MOB3B: variants seen among roughly 807,000 people sequenced by gnomAD.
The protein encoded by MOB3B is MOB kinase activator 3B.
MOB3B carries 7 observed loss-of-function variants against 18.7 expected under a neutral mutation model. That is an observed-to-expected ratio of 0.37 (90% confidence interval 0.21 to 0.70). MOB3B has a LOEUF of 0.70. Ranked by LOEUF, MOB3B falls within the 30% of genes least tolerant of loss-of-function variation. The pLI is 0.52. For missense variants in MOB3B, 253 were observed against 281.3 expected, an observed-to-expected ratio of 0.90 and a Z score of 0.72; for synonymous variants, 111 against 99.9, an observed-to-expected ratio of 1.11 and a Z score of -0.66.
At chr9:27,361,903 GA>G (rs1320430667) in intron 2 of MOB3B, among the ~76,000 whole-genome samples, 3 of 152,318 alleles carry the variant, frequency 2.0e-5, no homozygotes, top group South Asian at 2.1e-4. Context: ...CAGTCTCATG[GA>G]AGCTCACCAG....
At chr9:27,369,101 C>A (rs904421626) in intron 2 of MOB3B, among the ~76,000 whole-genome samples, 2 of 152,192 alleles carry the variant, frequency 1.3e-5, no homozygotes, top group Non-Finnish European at 2.9e-5. Context: ...TGAGCCAGAG[C>A]TGAGAACAGG....
chr9:27,449,634 C>A (rs1429505856), intron 2 of MOB3B, among the ~76,000 whole-genome samples: 1 of 152,082 alleles, frequency 6.6e-6, no homozygotes, highest in East Asian at 1.9e-4. Context: ...GCTAGCGTTA[C>A]AAAGATTTCT....
intron 2 of MOB3B, among the ~76,000 whole-genome samples, chr9:27,380,005 C>T (rs772447083): frequency 2.8e-4 from 43 of 152,114 alleles, no homozygotes; most frequent in Admixed American, 2.6e-3. Flanking sequence ...ATTGACACAA[C>T]GGTTAAAACA....
chr9:27,393,696 C>T (rs768591032), intron 2 of MOB3B, among the ~76,000 whole-genome samples: 1 of 152,082 alleles, frequency 6.6e-6, no homozygotes, highest in Non-Finnish European at 1.5e-5. Context: ...ACAGACTTGG[C>T]CACATTTTAT....
chr9:27,518,963 A>G (rs1045319234), intron 1 of MOB3B, among the ~76,000 whole-genome samples: 1 of 152,234 alleles, frequency 6.6e-6, no homozygotes, highest in African/African-American at 2.4e-5. Flanking sequence ...TCAACCAAGA[A>G]ATACAAAACT....
chr9:27,516,171 A>G (rs904961864), intron 1 of MOB3B, among the ~76,000 whole-genome samples: 1 of 152,172 alleles, frequency 6.6e-6, no homozygotes, highest in Non-Finnish European at 1.5e-5. Context: ...TCATGATGGC[A>G]CTCTGATTTT....
intron 1 of MOB3B, among the ~76,000 whole-genome samples, chr9:27,505,916 A>G (rs773267109): frequency 3.3e-5 from 5 of 152,152 alleles, no homozygotes; most frequent in African/African-American, 9.7e-5. Context: ...AACTAAGGGG[A>G]AAAAAATGAC....
chr9:27,378,602 C>G (rs771588701), intron 2 of MOB3B: 1 of 471,154 alleles, frequency 2.1e-6, no homozygotes. Context: ...CTTCTTCCCC[C>G]TGTATCTCAC....
At chr9:27,506,171 C>T (rs1398560217) in intron 1 of MOB3B, among the ~76,000 whole-genome samples, 1 of 152,194 alleles carries the variant, frequency 6.6e-6, no homozygotes, top group Non-Finnish European at 1.5e-5. Flanking sequence ...CACTGGAAGT[C>T]TTGGAGGAAC....
chr9:27,388,096 G>T (rs1426351936), intron 2 of MOB3B, among the ~76,000 whole-genome samples: 3 of 152,196 alleles, frequency 2.0e-5, no homozygotes, highest in Admixed American at 6.5e-5. Context: ...GAATTATCCA[G>T]CTCAAACATC....
chr9:27,389,428 C>CGAGAGCTTCTCTACTTGAACATGCT (rs1821695101), intron 2 of MOB3B, among the ~76,000 whole-genome samples: 1 of 152,168 alleles, frequency 6.6e-6, no homozygotes, highest in Admixed American at 6.6e-5. Flanking sequence ...TTGAACATGC[C>CGAGAGCTTCTCTACTTGAACATGCT]GAGAGCTTCT....
chr9:27,454,511 G>C (rs761141385), intron 2 of MOB3B, among the ~76,000 whole-genome samples: 4 of 152,194 alleles, frequency 2.6e-5, no homozygotes, highest in Non-Finnish European at 5.9e-5. Flanking sequence ...AAGACTGACT[G>C]GTCCTTCCTT....
chr9:27,524,828 A>G (rs1014111425), intron 1 of MOB3B: 10 of 1,614,136 alleles, frequency 6.2e-6, no homozygotes, highest in Non-Finnish European at 8.5e-6. Flanking sequence ...AACTGAGGAG[A>G]TATTTCCACA....
chr9:27,339,117 C>T (rs1428885707), intron 3 of MOB3B, among the ~76,000 whole-genome samples: 4 of 152,162 alleles, frequency 2.6e-5, no homozygotes, highest in Non-Finnish European at 5.9e-5. Flanking sequence ...CAGGGGACTT[C>T]GTTCTTGCCC....
At chr9:27,343,478 T>TAAAAAAAAAAAAAAAAAAAAAAA (rs779124158) in intron 3 of MOB3B, among the ~76,000 whole-genome samples, 3 of 84,318 alleles carry the variant, frequency 3.6e-5, no homozygotes, top group East Asian at 3.8e-4. Flanking sequence ...CAATAAATAC[T>TAAAAAAAAAAAAAAAAAAAAAAA]AAAAAAAAAA....
chr9:27,370,320 C>G (rs570347453), intron 2 of MOB3B, among the ~76,000 whole-genome samples: 5 of 152,118 alleles, frequency 3.3e-5, no homozygotes, highest in East Asian at 1.9e-4. Context: ...ACCGGCCTGA[C>G]CAACATGGAG....
intron 1 of MOB3B, among the ~76,000 whole-genome samples, chr9:27,512,141 G>A (rs1408631063): frequency 6.6e-6 from 1 of 152,134 alleles, no homozygotes; most frequent in Non-Finnish European, 1.5e-5. Flanking sequence ...GCCACAAGAG[G>A]GAAAGGGTCT....
rs763717841 is a variant in MOB3B at position 27,496,532 on chromosome 9, T to C, written c.-199+33023A>G. On this transcript the variant is annotated intron_variant, in intron 1 of 3. Transcript: ENST00000262244. ...TCTCCAGGTACATGTAAAAGTTTAGTTCTACAGCCTAAATATTAAAAAATA... is the reference window on the plus strand; with the variant it reads ...TCTCCAGGTACATGTAAAAGTTTAGCTCTACAGCCTAAATATTAAAAAATA... Among the ~76,000 whole-genome samples, 8 of 152,186 alleles carry C rather than the reference T, an allele frequency of 5.3e-5. No individual in the cohort carries two copies. In the South Asian group the frequency reaches 6.2e-4, roughly 12 times the overall value.
At chr9:27,478,609 G>T (rs1191366489) in intron 1 of MOB3B, among the ~76,000 whole-genome samples, 1 of 151,948 alleles carries the variant, frequency 6.6e-6, no homozygotes, top group African/African-American at 2.4e-5. Flanking sequence ...AAGAAAAAAG[G>T]GATCAAAAAA....
Sources: gnomAD v4.1 joint callset for allele counts (sites outside exome capture counted in the v4.1 genomes callset) on GRCh38, gnomAD v4.1.1 for gene constraint, MANE v1.5 for transcripts, NCBI Gene and HGNC (gene_info 2026-07-23, HGNC 2026-07-21) for gene names.